The following EMCN variants were observed in gnomAD, a reference collection of about 807,000 sequenced individuals.
EMCN encodes the protein MUC-14.
EMCN carries 37 observed loss-of-function variants against 38.4 expected under a neutral mutation model. That is an observed-to-expected ratio of 0.96 (90% CI 0.74 to 1.27). EMCN has a LOEUF of 1.27. Among genes scored for constraint, EMCN ranks in the 50% most tolerant of loss-of-function variants. The pLI is 0.00. For missense variants in EMCN, 318 were observed against 302.8 expected (o/e 1.05, Z -0.37); for synonymous variants, 95 against 100.8 (o/e 0.94, Z 0.35).
chr4:100,502,349 G>T (rs1361916281), intron 1 of EMCN, among the ~76,000 whole-genome samples: 1 of 151,958 alleles, frequency 6.6e-6, no homozygotes, highest in African/African-American at 2.4e-5. Context: ...TGGTACAATT[G>T]CAGGCATTTA....
chr4:100,509,922 T>G (rs1729582887), intron 1 of EMCN, among the ~76,000 whole-genome samples: 1 of 152,218 alleles, frequency 6.6e-6, no homozygotes, highest in Non-Finnish European at 1.5e-5. Flanking sequence ...GTTTTAGTAA[T>G]TTATGATGTG....
chr4:100,506,164 ATTAT>A (rs1729474503), intron 1 of EMCN, among the ~76,000 whole-genome samples: 2 of 152,318 alleles, frequency 1.3e-5, no homozygotes, highest in African/African-American at 4.8e-5. Context: ...TGCTAAGTTA[ATTAT>A]TTATAGTAAC....
At chr4:100,475,232 A>AT (rs1728602257) in intron 2 of EMCN, 123 bp from the exon 3 acceptor site, 6 of 411,064 alleles carry the variant, frequency 1.5e-5, no homozygotes, top group Admixed American at 8.7e-5. Flanking sequence ...AATTTTTCCC[A>AT]TTTTCCAGTT....
At chr4:100,446,758 T>G (rs543766090) in intron 5 of EMCN, among the ~76,000 whole-genome samples, 1 of 152,228 alleles carries the variant, frequency 6.6e-6, no homozygotes, top group South Asian at 2.1e-4. Flanking sequence ...CACCCTCAGG[T>G]AGACCCCAGT....
At chr4:100,413,487 GA>G (rs1475811998) in intron 10 of EMCN, among the ~76,000 whole-genome samples, 1 of 152,186 alleles carries the variant, frequency 6.6e-6, no homozygotes, top group Non-Finnish European at 1.5e-5. Flanking sequence ...GCATTATAAA[GA>G]AAAGATATTT....
intron 10 of EMCN, among the ~76,000 whole-genome samples, chr4:100,415,321 C>T (rs1726695721): frequency 6.6e-6 from 1 of 152,164 alleles, no homozygotes; most frequent in Non-Finnish European, 1.5e-5. Flanking sequence ...AGCTATCTAG[C>T]ACCACATTTT....
chr4:100,421,578 G>A (rs1726890210), intron 7 of EMCN, among the ~76,000 whole-genome samples: 1 of 152,004 alleles, frequency 6.6e-6, no homozygotes, highest in South Asian at 2.1e-4. Flanking sequence ...TGTCAGTCTT[G>A]TAACCTTTCT....
At position 100,395,942 on chromosome 4, in the gene EMCN, A is replaced by G. The variant is rs541345250; in HGVS notation, c.*2471T>C. On this transcript the variant is annotated 3_prime_UTR_variant, in exon 12 of 12. Coordinates refer to ENST00000296420, the MANE Select transcript of EMCN (RefSeq NM_016242.4). Reference sequence around the variant, plus strand: ...ATTCATATTATTATGCAAAACAAACACATAGAAAGTCTTGCCTTTGATCTA... The same window carrying G: ...ATTCATATTATTATGCAAAACAAACGCATAGAAAGTCTTGCCTTTGATCTA... 1 of 152,314 alleles carries G rather than the reference A, an allele frequency of 6.6e-6. No individual in the cohort carries two copies. The highest frequency in any genetic ancestry group is 2.1e-4 in the South Asian group (1 of 4,830). The allele number at this position is 152,314 out of a possible 1,614,324, so 9.4% of individuals were successfully genotyped here.
At chr4:100,481,067 G>A (rs1197685224) in intron 1 of EMCN, among the ~76,000 whole-genome samples, 1 of 151,972 alleles carries the variant, frequency 6.6e-6, no homozygotes, top group African/African-American at 2.4e-5. Flanking sequence ...AAGAGAATTT[G>A]GAAAAAAATA....
At chr4:100,437,135 T>G (rs1248774569) in intron 5 of EMCN, among the ~76,000 whole-genome samples, 1 of 152,212 alleles carries the variant, frequency 6.6e-6, no homozygotes, top group Non-Finnish European at 1.5e-5. Flanking sequence ...GGGTGTGAGG[T>G]AGTATCACAT....
At chr4:100,441,069 C>G (rs1376144428) in intron 5 of EMCN, among the ~76,000 whole-genome samples, 1 of 151,014 alleles carries the variant, frequency 6.6e-6, no homozygotes, top group Non-Finnish European at 1.5e-5. Flanking sequence ...GCCTGGGCAA[C>G]AGAGTGAGAC....
chr4:100,477,261 TA>T (rs61342458), intron 2 of EMCN, among the ~76,000 whole-genome samples: 16 of 152,142 alleles, frequency 1.1e-4, no homozygotes, highest in African/African-American at 2.9e-4. Context: ...CTTTTTAACT[TA>T]AAAAAATTAA....
chr4:100,423,785 C>T (rs1347134410), intron 5 of EMCN, among the ~76,000 whole-genome samples: 3 of 151,912 alleles, frequency 2.0e-5, no homozygotes, highest in Admixed American at 2.0e-4. Context: ...TTTTCTATCA[C>T]ACATAGTTAA....
chr4:100,450,594 A>T (rs1325086278), intron 4 of EMCN, among the ~76,000 whole-genome samples: 2 of 151,936 alleles, frequency 1.3e-5, no homozygotes, highest in Non-Finnish European at 2.9e-5. Flanking sequence ...AATCCTCTTC[A>T]TCCTTTCTCC....
At chr4:100,488,626 A>T (rs1176817612) in intron 1 of EMCN, among the ~76,000 whole-genome samples, 1 of 152,198 alleles carries the variant, frequency 6.6e-6, no homozygotes, top group Admixed American at 6.5e-5. Flanking sequence ...TCCCTTTTAA[A>T]GTGTAGTATG....
chr4:100,447,580 G>C lies in EMCN; in HGVS notation c.377-9C>G. The C allele has an allele frequency of 6.3e-7, 1 of 1,576,234 alleles. No individual in the cohort carries two copies. The highest frequency in any genetic ancestry group is 8.7e-7 in the Non-Finnish European group (1 of 1,150,374). On this transcript the variant is annotated splice_polypyrimidine_tract_variant and intron_variant, in intron 4 of 11. Coordinates refer to ENST00000296420, the MANE Select transcript of EMCN (RefSeq NM_016242.4). ...TGAACTCTGAGTTTCAGCTTTAGAA[G>C]GAAAAAAAGAAAAAAAATCAGTACA...
rs1388543460 is a variant in EMCN, at chr4:100,469,623, G to GA, written c.260-4085_260-4084insT. Among the ~76,000 whole-genome samples, 15 of 61,300 alleles carry GA rather than the reference G, an allele frequency of 2.4e-4. 1 individual carries two copies. The highest frequency in any genetic ancestry group is 2.3e-3 in the South Asian group (4 of 1,760). 40.2% of individuals were successfully genotyped at this position (61,300 alleles called of 152,430 possible). On this transcript the variant is annotated intron_variant, in intron 3 of 11. Transcript: ENST00000296420. Reference sequence around the variant, plus strand: ...ATTTTTGAATATGGTGTAAAGAAGGGGTACAGTTTTAATCTTCTGCATATG... The same window carrying GA: ...ATTTTTGAATATGGTGTAAAGAAGGGAGTACAGTTTTAATCTTCTGCATATG...
At chr4:100,461,457 A>G (rs768822) in intron 4 of EMCN, among the ~76,000 whole-genome samples, 62,845 of 151,968 alleles carry the variant, frequency 0.41, 13,813 homozygotes, top group East Asian at 0.78. Context: ...ATCACAATCC[A>G]GAATAGTTCC....
intron 1 of EMCN, among the ~76,000 whole-genome samples, chr4:100,501,937 G>A (rs1042940879): frequency 2.6e-5 from 4 of 151,646 alleles, no homozygotes; most frequent in East Asian, 1.9e-4. Flanking sequence ...GGAAATACCC[G>A]AGGTTCGTCA....
Sources: gnomAD v4.1 joint callset for allele counts (sites outside exome capture counted in the v4.1 genomes callset) on GRCh38, gnomAD v4.1.1 for gene constraint, MANE v1.5 for transcripts, NCBI Gene and HGNC (gene_info 2026-07-23, HGNC 2026-07-21) for gene names.